Variants in RNF220 observed in about 807,000 individuals in gnomAD.
RNF220 encodes E3 ubiquitin-protein ligase RNF220.
In RNF220, 7 loss-of-function variants were observed where a neutral mutation model predicts 67.1. The ratio of observed to expected loss-of-function variants is 0.10; its 90% CI spans 0.06 to 0.20. The LOEUF is 0.20. Among genes scored for constraint, RNF220 ranks in the 10% least tolerant of loss-of-function variants. The pLI is 1.00. For missense variants in RNF220, 565 were observed against 740.3 expected (o/e 0.76, Z 2.75); for synonymous variants, 270 against 283.2 (o/e 0.95, Z 0.47).
chr1:44,626,542 C>T, intron 5 of RNF220, 144 bp downstream of exon 5: 1 of 638,146 alleles, frequency 1.6e-6, no homozygotes, highest in Non-Finnish European at 2.8e-6. Context: ...GTCCCGTGCC[C>T]CTAAGTGAAC....
At chr1:44,559,118 G>A (rs920684002) in intron 2 of RNF220, among the ~76,000 whole-genome samples, 11 of 152,180 alleles carry the variant, frequency 7.2e-5, no homozygotes, top group Admixed American at 3.9e-4. Context: ...TTGCCTTCTC[G>A]CTCCAGAACC....
chr1:44,588,682 T>C (rs1261232676), intron 2 of RNF220, among the ~76,000 whole-genome samples: 1 of 152,166 alleles, frequency 6.6e-6, no homozygotes, highest in Admixed American at 6.5e-5. Flanking sequence ...ATTGAGAAGG[T>C]GAGCCAGCTG....
Position 44,645,352 on chromosome 1 carries a change from C to T in RNF220, c.1367-58C>T. On this transcript the variant is annotated intron_variant, in intron 11 of 14. Coordinates refer to ENST00000361799, the MANE Select transcript of RNF220 (RefSeq NM_018150.4). This position sits in a 1 kb window ranked among gnomAD's most constrained non-coding sequence, Gnocchi z 5.0. ...ATGGTGGTGACTGACTCAAGCCCAA[C>T]CCCTCACCTGTGCTGCCCAGTCTGG... The T allele has an allele frequency of 1.2e-6, 2 of 1,613,040 alleles. No homozygotes were observed. Among genetic ancestry groups the T allele is most frequent in the African/African-American group, 2.7e-5 (2 of 75,030 alleles).
At chr1:44,413,230 A>G (rs1339273762) in intron 2 of RNF220, among the ~76,000 whole-genome samples, 1 of 152,156 alleles carries the variant, frequency 6.6e-6, no homozygotes, top group Admixed American at 6.5e-5. Context: ...GCTATTTTTC[A>G]GAGAAGGACA....
intron 2 of RNF220, among the ~76,000 whole-genome samples, chr1:44,477,055 CT>C (rs1183330338): frequency 2.6e-5 from 4 of 152,116 alleles, no homozygotes; most frequent in Non-Finnish European, 4.4e-5. Flanking sequence ...CAAAATCATT[CT>C]TATTAAAAAT....
In RNF220 at chr1:44,548,023, C is replaced by T. The variant is rs565449237; in HGVS notation, c.626-66142C>T. On this transcript the variant is annotated intron_variant, in intron 2 of 14. Transcript: ENST00000361799. ...TCTTTCCTTCATTTTCTCTCTACCACGAACAGTACCGCTATTGTCCCAGGC... is the reference window on the plus strand; with the variant it reads ...TCTTTCCTTCATTTTCTCTCTACCATGAACAGTACCGCTATTGTCCCAGGC... Among the ~76,000 whole-genome samples, 17 of 152,260 alleles carry T rather than the reference C, an allele frequency of 1.1e-4. No homozygotes were observed. In the South Asian group the frequency reaches 2.9e-3, roughly 26 times the overall value.
intron 5 of RNF220, chr1:44,632,007 G>T: frequency 9.8e-7 from 1 of 1,024,238 alleles, no homozygotes; most frequent in Non-Finnish European, 1.2e-6. Context: ...GAGCTGAAGT[G>T]CCGCCGCCGC....
At chr1:44,479,437 T>C (rs1655598089) in intron 2 of RNF220, among the ~76,000 whole-genome samples, 1 of 152,060 alleles carries the variant, frequency 6.6e-6, no homozygotes, top group Non-Finnish European at 1.5e-5. Context: ...TTTTTATGTG[T>C]TTTATACTCA....
At chr1:44,443,573 C>T (rs1651775734) in intron 2 of RNF220, among the ~76,000 whole-genome samples, 1 of 152,248 alleles carries the variant, frequency 6.6e-6, no homozygotes, top group South Asian at 2.1e-4. Flanking sequence ...CACAAGTCTT[C>T]AGCCTCCCGT....
At chr1:44,582,979 C>T (rs1318606193) in intron 2 of RNF220, among the ~76,000 whole-genome samples, 1 of 151,922 alleles carries the variant, frequency 6.6e-6, no homozygotes, top group Non-Finnish European at 1.5e-5. Context: ...GCCCTCCAGC[C>T]TGGGCAACAA....
chr1:44,452,930 A>G (rs1436105686), intron 2 of RNF220, among the ~76,000 whole-genome samples: 1 of 152,214 alleles, frequency 6.6e-6, no homozygotes, highest in Non-Finnish European at 1.5e-5. Context: ...AACTCATTAA[A>G]TTTATAGTTT....
chr1:44,502,405 G>GA (rs1406068536), intron 2 of RNF220, among the ~76,000 whole-genome samples: 5 of 152,166 alleles, frequency 3.3e-5, no homozygotes, highest in Non-Finnish European at 7.4e-5. Flanking sequence ...AGAGGAGAAA[G>GA]ATCAGAGGAA....
chr1:44,548,631 CTACAGGTACCACATCTGGCT>C (rs1329744739), intron 2 of RNF220, among the ~76,000 whole-genome samples: 3 of 152,110 alleles, frequency 2.0e-5, no homozygotes, highest in Non-Finnish European at 1.5e-5. Context: ...GTAGCTAGGA[CTACAGGTACCACATCTGGCT>C]TAATTTTTAA....
At chr1:44,572,100 A>G (rs1432176975) in intron 2 of RNF220, among the ~76,000 whole-genome samples, 1 of 152,240 alleles carries the variant, frequency 6.6e-6, no homozygotes, top group African/African-American at 2.4e-5. Context: ...TTAATCTAAA[A>G]CATAAATCCT....
At chr1:44,529,831 G>A (rs1048209002) in intron 2 of RNF220, among the ~76,000 whole-genome samples, 3 of 152,056 alleles carry the variant, frequency 2.0e-5, no homozygotes, top group African/African-American at 7.2e-5. Context: ...TGGGCGGATT[G>A]CCTGAGCTCA....
intron 2 of RNF220, among the ~76,000 whole-genome samples, chr1:44,550,751 C>T (rs1282004185): frequency 6.6e-6 from 1 of 152,132 alleles, no homozygotes; most frequent in African/African-American, 2.4e-5. Flanking sequence ...AGGTTTCCAG[C>T]CCGTTTAGTT....
At chr1:44,410,418 G>T (rs939496271) in intron 1 of RNF220, among the ~76,000 whole-genome samples, 1 of 152,192 alleles carries the variant, frequency 6.6e-6, no homozygotes, top group African/African-American at 2.4e-5. Flanking sequence ...TAACTTGACA[G>T]GAAAGTTATT....
chr1:44,446,655 T>A (rs1163238728), intron 2 of RNF220, among the ~76,000 whole-genome samples: 1 of 148,408 alleles, frequency 6.7e-6, no homozygotes, highest in Non-Finnish European at 1.5e-5. Context: ...CACCTCCGGG[T>A]TCAAGCAATT....
intron 2 of RNF220, among the ~76,000 whole-genome samples, chr1:44,432,149 T>G (rs554396730): frequency 5.6e-4 from 85 of 152,294 alleles, no homozygotes; most frequent in African/African-American, 2.0e-3. Flanking sequence ...TTCCCCATGT[T>G]AAAGCACTTT....
Sources: gnomAD v4.1 joint callset for allele counts (sites outside exome capture counted in the v4.1 genomes callset) on GRCh38, gnomAD v4.1.1 for gene constraint, Gnocchi (gnomAD v3.1) non-coding constraint, MANE v1.5 for transcripts, NCBI Gene and HGNC (gene_info 2026-07-23, HGNC 2026-07-21) for gene names.